Variants in FAM53A observed in about 807,000 individuals in gnomAD.
The protein encoded by FAM53A is family with sequence similarity 53 member A.
A neutral mutation model predicts 26.6 loss-of-function variants in FAM53A; 28 were observed. The ratio of observed to expected loss-of-function variants is 1.05; its 90% CI spans 0.78 to 1.45. The LOEUF is 1.45. Ranked by LOEUF, FAM53A falls within the 40% of genes most tolerant of loss-of-function variation. The pLI is 0.00. For synonymous variants in FAM53A, 290 were observed against 253.1 expected (o/e 1.15, Z -1.38); for missense variants, 650 against 575.8 (o/e 1.13, Z -1.32).
intron 4 of FAM53A, chr4:1,644,160 C>A (rs1367188285): frequency 2.0e-6 from 3 of 1,530,460 alleles, no homozygotes; most frequent in African/African-American, 2.8e-5. Context: ...GCACTACACA[C>A]GCACCGGGGT....
At chr4:1,667,712 C>T (rs1049898588) in intron 2 of FAM53A, among the ~76,000 whole-genome samples, 5 of 152,172 alleles carry the variant, frequency 3.3e-5, no homozygotes, top group Non-Finnish European at 4.4e-5. Context: ...TTCCGTAACA[C>T]GCAAGGGGCT....
the FAM53A span, among the ~76,000 whole-genome samples, chr4:1,578,679 G>A: frequency 6.7e-6 from 1 of 149,152 alleles, no homozygotes; most frequent in Non-Finnish European, 1.5e-5. Context: ...ACCGCCCTCT[G>A]CAGACAACGA....
intron 4 of FAM53A, among the ~76,000 whole-genome samples, chr4:1,648,271 C>G (rs1712421518): frequency 6.6e-6 from 1 of 152,106 alleles, no homozygotes; most frequent in Non-Finnish European, 1.5e-5. Flanking sequence ...AAGTGTTCAC[C>G]AAAGGTGCCA....
the FAM53A span, among the ~76,000 whole-genome samples, chr4:1,603,028 G>A: frequency 1.8e-4 from 27 of 152,288 alleles, no homozygotes; most frequent in African/African-American, 5.3e-4. Context: ...CGGGGGTGGC[G>A]CATTTCACAA....
intron 4 of FAM53A, chr4:1,644,371 C>A (rs557387962): frequency 2.2e-5 from 34 of 1,533,046 alleles, no homozygotes; most frequent in Admixed American, 2.0e-4. Flanking sequence ...AGGCTCTGAA[C>A]GCCTCTGGAC....
the FAM53A span, among the ~76,000 whole-genome samples, chr4:1,579,656 T>G: frequency 1.3e-5 from 2 of 151,224 alleles, no homozygotes; most frequent in Non-Finnish European, 2.9e-5. Flanking sequence ...CTGCGAGGCG[T>G]GAGTGAGTTA....
intron 1 of FAM53A, among the ~76,000 whole-genome samples, chr4:1,673,605 C>A (rs1316306933): frequency 1.3e-5 from 2 of 152,180 alleles, no homozygotes; most frequent in East Asian, 3.8e-4. Flanking sequence ...TGATGGCGCA[C>A]ACCTGTAGTC....
chr4:1,574,175 T>A, the FAM53A span: 1 of 154,166 alleles, frequency 6.5e-6, no homozygotes. Flanking sequence ...GTCGCCTTCG[T>A]CACAGCCTGG....
At chr4:1,606,789 G>A in the FAM53A span, among the ~76,000 whole-genome samples, 3 of 152,308 alleles carry the variant, frequency 2.0e-5, no homozygotes, top group East Asian at 3.9e-4. Flanking sequence ...CCTAGCTGTC[G>A]GGGAAAGCGC....
chr4:1,682,666 C>T (rs1318575742), intron 1 of FAM53A, among the ~76,000 whole-genome samples: 2 of 152,074 alleles, frequency 1.3e-5, no homozygotes, highest in Admixed American at 1.3e-4. Flanking sequence ...TGTACTCTCT[C>T]GGATTAGAGC....
chr4:1,671,980 G>A lies in FAM53A; in HGVS notation c.-164-3075C>T, dbSNP rs1370159004. Among the ~76,000 whole-genome samples, 7 of 149,494 alleles carry A rather than the reference G, an allele frequency of 4.7e-5. No individual in the cohort carries two copies. The East Asian group carries it at 5.8e-4, about 12-fold the overall frequency. ...AGGAAGTGAGGATGGCTCCCCAGCAGCCTGCCTGTGACACAGAGCAAAGCG... is the reference window on the plus strand; with the variant it reads ...AGGAAGTGAGGATGGCTCCCCAGCAACCTGCCTGTGACACAGAGCAAAGCG... On this transcript the variant is annotated intron_variant, in intron 1 of 4. Coordinates refer to ENST00000308132, the MANE Select transcript of FAM53A (RefSeq NM_001174070.3).
chr4:1,635,662 G>A (rs565388735), downstream of FAM53A, among the ~76,000 whole-genome samples: 3 of 152,094 alleles, frequency 2.0e-5, no homozygotes, highest in South Asian at 4.2e-4. Context: ...CCACAAGCAC[G>A]GATCTGCCGC....
At chr4:1,670,234 G>A (rs1345667029) in intron 1 of FAM53A, among the ~76,000 whole-genome samples, 2 of 152,258 alleles carry the variant, frequency 1.3e-5, no homozygotes, top group South Asian at 2.1e-4. Context: ...AACACGGTTC[G>A]ATACCTGCGT....
chr4:1,579,974 C>T, the FAM53A span, among the ~76,000 whole-genome samples: 15 of 152,294 alleles, frequency 9.8e-5, no homozygotes, highest in African/African-American at 3.6e-4. Context: ...GTTAATTATC[C>T]TTTGTGTTTG....
At chr4:1,602,266 C>A in the FAM53A span, among the ~76,000 whole-genome samples, 2 of 152,216 alleles carry the variant, frequency 1.3e-5, no homozygotes, top group Admixed American at 1.3e-4. Flanking sequence ...GCCCCCACCT[C>A]CCAAATTGCC....
chr4:1,647,482 A>T (rs922145561), intron 4 of FAM53A, among the ~76,000 whole-genome samples: 2 of 152,100 alleles, frequency 1.3e-5, no homozygotes, highest in South Asian at 4.1e-4. Context: ...GTGAGCCTAG[A>T]CTCAGAGCAG....
At chr4:1,646,844 C>T (rs902716197) in intron 4 of FAM53A, among the ~76,000 whole-genome samples, 1 of 152,160 alleles carries the variant, frequency 6.6e-6, no homozygotes, top group Admixed American at 6.5e-5. Flanking sequence ...GCAGCAGCCT[C>T]GGTCTCTCCA....
At chr4:1,647,918 A>T (rs1013003584) in intron 4 of FAM53A, among the ~76,000 whole-genome samples, 3 of 152,192 alleles carry the variant, frequency 2.0e-5, no homozygotes, top group Non-Finnish European at 2.9e-5. Flanking sequence ...CACAAACAGG[A>T]AGTGGCAAAG....
intron 1 of FAM53A, among the ~76,000 whole-genome samples, chr4:1,682,685 A>C (rs1560221784): frequency 6.6e-6 from 1 of 151,768 alleles, no homozygotes; most frequent in Non-Finnish European, 1.5e-5. Flanking sequence ...GCCTCTTCCT[A>C]TTTCTGTTTC....
Sources: gnomAD v4.1 joint callset for allele counts (sites outside exome capture counted in the v4.1 genomes callset) on GRCh38, gnomAD v4.1.1 for gene constraint, MANE v1.5 for transcripts, NCBI Gene and HGNC (gene_info 2026-07-23, HGNC 2026-07-21) for gene names.